The following KALRN variants were observed in gnomAD, a reference collection of about 807,000 sequenced individuals.
KALRN encodes the protein kalirin.
In KALRN, 70 loss-of-function variants were observed where a neutral mutation model predicts 353.7. That is an observed-to-expected ratio of 0.20 (90% CI 0.16 to 0.24). The LOEUF (loss-of-function observed/expected upper bound fraction) is 0.24. Among genes scored for constraint, KALRN ranks in the 10% least tolerant of loss-of-function variants. The pLI is 1.00. For synonymous variants in KALRN, 1,391 were observed against 1,434.8 expected (o/e 0.97, Z 0.69); for missense variants, 2,791 against 3,756.7 (o/e 0.74, Z 6.72).
chr3:124,694,375 G>C lies in KALRN; in HGVS notation c.7449G>C (p.Leu2483Phe). The C allele has an allele frequency of 6.2e-7, 1 of 1,614,206 alleles. No individual in the cohort carries two copies. Among genetic ancestry groups the C allele is most frequent in the Non-Finnish European group, 8.5e-7 (1 of 1,180,026 alleles). Residue 2483 changes from leucine to phenylalanine, a missense_variant, in exon 53 of 60, where the codon TTG (leucine) becomes TTC (phenylalanine). Physicochemically the swap from Leu to Phe is conservative, Grantham distance 22. Transcript: ENST00000682506. Reference sequence around the variant, plus strand: ...TGCCCTTGGTGGATGTGACCTGCTTGCTTGGGGACACAGTGATACTGCAGT... The same window carrying C: ...TGCCCTTGGTGGATGTGACCTGCTTCCTTGGGGACACAGTGATACTGCAGT... ...FLVPLVDVTCLLGDTVILQCK... is the reference protein window; with the variant it reads ...FLVPLVDVTCFLGDTVILQCK...
intron 1 of KALRN, among the ~76,000 whole-genome samples, chr3:124,221,825 GT>G (rs1034047655): frequency 6.6e-6 from 1 of 152,148 alleles, no homozygotes; most frequent in Non-Finnish European, 1.5e-5. Context: ...TAGCTTCCTG[GT>G]ATTGGGGGAA....
At chr3:124,183,559 G>A (rs1201883178) in intron 1 of KALRN, among the ~76,000 whole-genome samples, 1 of 152,172 alleles carries the variant, frequency 6.6e-6, no homozygotes, top group Admixed American at 6.5e-5. Flanking sequence ...TAAGATTTGG[G>A]TGGGGACAAA....
intron 8 of KALRN, among the ~76,000 whole-genome samples, chr3:124,330,258 A>T (rs879405696): frequency 0.043 from 6,368 of 148,430 alleles, 442 homozygotes; most frequent in African/African-American, 0.15. Flanking sequence ...ACACACACAC[A>T]CACACACACA....
At chr3:124,063,749 A>G (rs1241488404) in intron 1 of KALRN, among the ~76,000 whole-genome samples, 2 of 152,144 alleles carry the variant, frequency 1.3e-5, no homozygotes, top group Non-Finnish European at 2.9e-5. Flanking sequence ...CAGATGGTCA[A>G]CTTCTCTGGG....
chr3:124,713,364 T>C (rs1267385422), intron 58 of KALRN, among the ~76,000 whole-genome samples: 1 of 152,184 alleles, frequency 6.6e-6, no homozygotes, highest in Non-Finnish European at 1.5e-5. Flanking sequence ...TCCTTAAGAC[T>C]AGGAATGGAG....
chr3:124,057,036 C>A (rs957566963), intron 1 of KALRN, among the ~76,000 whole-genome samples: 2 of 152,224 alleles, frequency 1.3e-5, no homozygotes, highest in African/African-American at 4.8e-5. Context: ...CCAGAGTTAT[C>A]CATGTTGGCT....
intron 38 of KALRN, among the ~76,000 whole-genome samples, chr3:124,654,961 C>G (rs2083843978): frequency 6.6e-6 from 1 of 152,144 alleles, no homozygotes; most frequent in Non-Finnish European, 1.5e-5. Context: ...ATCCTGCATC[C>G]TGGAGAAGGT....
At chr3:124,552,977 G>T (rs1429656611) in intron 33 of KALRN, among the ~76,000 whole-genome samples, 1 of 152,144 alleles carries the variant, frequency 6.6e-6, no homozygotes, top group Non-Finnish European at 1.5e-5. Flanking sequence ...TGTTGACCAG[G>T]CTGGTCTCGA....
chr3:124,355,714 T>TTTTTG, intron 10 of KALRN, among the ~76,000 whole-genome samples: 1 of 52,926 alleles, frequency 1.9e-5, no homozygotes, highest in South Asian at 7.6e-4. Flanking sequence ...CCCATCTTTT[T>TTTTTG]TTTTTTTTTT....
intron 34 of KALRN, among the ~76,000 whole-genome samples, chr3:124,619,701 G>T (rs928445448): frequency 2.0e-4 from 30 of 151,976 alleles, no homozygotes; most frequent in African/African-American, 7.2e-4. Context: ...TGTCCAGGCT[G>T]GTCTTGAACT....
At chr3:124,613,611 C>G (rs2078244002) in intron 34 of KALRN, among the ~76,000 whole-genome samples, 1 of 152,222 alleles carries the variant, frequency 6.6e-6, no homozygotes, top group South Asian at 2.1e-4. Context: ...TCCAGCCTCT[C>G]TACCCAGCTC....
intron 1 of KALRN, among the ~76,000 whole-genome samples, chr3:124,098,694 T>G (rs544897634): frequency 3.3e-5 from 5 of 152,344 alleles, no homozygotes; most frequent in Middle Eastern, 3.4e-3. Context: ...CTGTCTTCCT[T>G]GCCTCTAATC....
intron 1 of KALRN, among the ~76,000 whole-genome samples, chr3:124,076,073 AG>A (rs1373034962): frequency 6.6e-6 from 1 of 152,248 alleles, no homozygotes; most frequent in East Asian, 1.9e-4. Flanking sequence ...GAATCTCTGC[AG>A]GACAGACTAA....
At chr3:124,596,243 G>A (rs78339634) in intron 34 of KALRN, among the ~76,000 whole-genome samples, 3,209 of 151,718 alleles carry the variant, frequency 0.021, 72 homozygotes, top group South Asian at 0.087. Context: ...CAGCACTTTG[G>A]GAGGCTGAGG....
In KALRN at chr3:124,622,039, A is replaced by G. The variant is rs2079330301; in HGVS notation, c.5183-10381A>G. ...ATTTCTATAATTTTTATATTAGCAA[A>G]TTATTTCTGGAAAGCAAAGAAAATA... is the stretch of plus-strand genomic sequence containing the variant. On this transcript the variant is annotated intron_variant, in intron 34 of 59. Transcript: ENST00000682506. 2.0e-5 allele frequency among the ~76,000 whole-genome samples: 3 copies of G among 152,206 alleles called. No individual in the cohort carries two copies. In the South Asian group the frequency reaches 6.2e-4, roughly 31 times the overall value.
At chr3:124,166,646 G>A (rs890221292) in intron 1 of KALRN, among the ~76,000 whole-genome samples, 1 of 152,202 alleles carries the variant, frequency 6.6e-6, no homozygotes, top group East Asian at 1.9e-4. Context: ...AAAGGGAAAG[G>A]GATTCCTCTG....
chr3:124,642,814 T>TTTGTTGTTGTTTTTTTTTTTTTG (rs1559750137), intron 37 of KALRN, among the ~76,000 whole-genome samples: 1 of 102,208 alleles, frequency 9.8e-6, no homozygotes, highest in Admixed American at 1.1e-4. Context: ...TCGTTTTTTT[T>TTTGTTGTTGTTTTTTTTTTTTTG]TTTTTTTTTT....
At chr3:124,035,586 A>G (rs113636165) in intron 1 of KALRN, among the ~76,000 whole-genome samples, 47 of 152,018 alleles carry the variant, frequency 3.1e-4, no homozygotes, top group Non-Finnish European at 5.1e-4. Flanking sequence ...GGTCCTGTTC[A>G]TTTTCTGTTC....
At chr3:124,690,419 G>GA (rs995503903) in intron 51 of KALRN, among the ~76,000 whole-genome samples, 4 of 151,874 alleles carry the variant, frequency 2.6e-5, no homozygotes, top group Non-Finnish European at 4.4e-5. Context: ...GTCAAAGTTA[G>GA]AAAAAAAACA....
Sources: allele counts gnomAD v4.1 joint callset (sites outside exome capture counted in the v4.1 genomes callset), GRCh38; gene constraint gnomAD v4.1.1; transcripts MANE v1.5; gene names NCBI Gene and HGNC (gene_info 2026-07-23, HGNC 2026-07-21).